MEGF11: variants seen among roughly 807,000 people sequenced by gnomAD.
The protein encoded by MEGF11 is multiple EGF like domains 11, also known as multiple epidermal growth factor-like domains protein 11.
A neutral mutation model predicts 146.6 loss-of-function variants in MEGF11; 126 were observed. That is an observed-to-expected ratio of 0.86 (90% confidence interval 0.74 to 1.00). MEGF11 has a LOEUF of 1.00. Among genes scored for constraint, MEGF11 ranks in the 50% least tolerant of loss-of-function variants. The pLI is 0.00. For missense variants in MEGF11, 1,509 were observed against 1,521.2 expected, an observed-to-expected ratio of 0.99 and a Z score of 0.13; for synonymous variants, 532 against 583.4, an observed-to-expected ratio of 0.91 and a Z score of 1.27.
chr15:65,977,813 A>G (rs1403581037), intron 7 of MEGF11, among the ~76,000 whole-genome samples: 6 of 151,790 alleles, frequency 4.0e-5, no homozygotes, highest in Non-Finnish European at 8.8e-5. Flanking sequence ...CCAGTCCCCA[A>G]CGTAAGACTG....
chr15:66,002,882 A>G (rs139140338), intron 5 of MEGF11, among the ~76,000 whole-genome samples: 1 of 152,336 alleles, frequency 6.6e-6, no homozygotes, highest in African/African-American at 2.4e-5. Flanking sequence ...TGGGGTGAAG[A>G]AGCAGAGGTT....
intron 13 of MEGF11, among the ~76,000 whole-genome samples, chr15:65,926,581 T>C (rs765500288): frequency 6.6e-6 from 1 of 152,116 alleles, no homozygotes; most frequent in Non-Finnish European, 1.5e-5. Context: ...GGCACAGATT[T>C]TTCTTGAGGC....
Position 66,105,319 on chromosome 15 carries a change from A to G in MEGF11, c.302-10825T>C, listed in dbSNP as rs77566383. ...AGGAAGAGAGAGACAGAAAAGGGAG[A>G]AGGAGGCCCTGCCTGGCCTCCCTTC... On this transcript the variant is annotated intron_variant, in intron 4 of 25. Coordinates refer to ENST00000395614, the MANE Select transcript of MEGF11 (RefSeq NM_001385028.1). Among the ~76,000 whole-genome samples the G allele has an allele frequency of 6.1e-3, 930 of 152,262 alleles. 6 individuals are homozygous for G. Among genetic ancestry groups the G allele is most frequent in the Non-Finnish European group, 0.011 (760 of 68,018 alleles).
chr15:66,131,247 G>A (rs891999167), intron 1 of MEGF11, among the ~76,000 whole-genome samples: 2 of 152,230 alleles, frequency 1.3e-5, no homozygotes, highest in African/African-American at 4.8e-5. Flanking sequence ...CTGCAGACAG[G>A]GTGTTGTCAG....
At chr15:66,133,003 A>C (rs962290905) in intron 1 of MEGF11, among the ~76,000 whole-genome samples, 1 of 151,992 alleles carries the variant, frequency 6.6e-6, no homozygotes, top group Non-Finnish European at 1.5e-5. Context: ...GCCAACCTCC[A>C]CCCCAACCTC....
rs117910423 is a variant in MEGF11 at position 66,226,160 on chromosome 15, C to T, written c.-9+27445G>A. ...GTCCAGTGTAGCCACGCTGTAGACG[C>T]CCCCTGCCCATTGGTCACTTAGTGG... On this transcript the variant is annotated intron_variant, in intron 1 of 25. Transcript: ENST00000395614. 3.1e-3 allele frequency among the ~76,000 whole-genome samples: 477 copies of T among 152,324 alleles called. 5 individuals are homozygous for T. The East Asian group carries it at 0.042, about 13-fold the overall frequency.
In MEGF11 at chr15:66,042,074, T is replaced by C. The variant is rs140359254; in HGVS notation, c.394+52328A>G. On this transcript the variant is annotated intron_variant, in intron 5 of 25. Coordinates refer to ENST00000395614, the MANE Select transcript of MEGF11 (RefSeq NM_001385028.1). The stretch of plus-strand genomic sequence containing the variant: ...CCAATTAGAGGGAGGTATTTGGTCA[T>C]GTAGCAGAGACAGAATGCACAGATT... Among the ~76,000 whole-genome samples, 151 of 151,220 alleles carry C rather than the reference T, an allele frequency of 1.0e-3. 5 individuals are homozygous for C. In the East Asian group the frequency reaches 0.023, roughly 23 times the overall value.
chr15:66,248,043 T>C (rs974655568), intron 1 of MEGF11, among the ~76,000 whole-genome samples: 1 of 151,628 alleles, frequency 6.6e-6, no homozygotes, highest in Non-Finnish European at 1.5e-5. Context: ...TTGCCTGTGG[T>C]GGTTGACTTA....
intron 5 of MEGF11, among the ~76,000 whole-genome samples, chr15:66,079,165 C>T (rs78759996): frequency 2.9e-4 from 44 of 152,128 alleles, no homozygotes; most frequent in East Asian, 2.1e-3. Flanking sequence ...GGCCCCACAC[C>T]GCCTCCTGCC....
At chr15:65,969,024 AC>A (rs1385808683) in intron 8 of MEGF11, among the ~76,000 whole-genome samples, 3 of 152,118 alleles carry the variant, frequency 2.0e-5, no homozygotes, top group Non-Finnish European at 4.4e-5. Flanking sequence ...CTCCTATTGA[AC>A]CCTCCTGTGG....
intron 5 of MEGF11, among the ~76,000 whole-genome samples, chr15:66,088,004 G>A (rs1212325823): frequency 2.6e-5 from 4 of 152,084 alleles, no homozygotes; most frequent in African/African-American, 4.8e-5. Flanking sequence ...TACAACTGAC[G>A]CCACAGAAAT....
intron 1 of MEGF11, among the ~76,000 whole-genome samples, chr15:66,216,727 C>T (rs949982486): frequency 6.6e-6 from 1 of 152,194 alleles, no homozygotes; most frequent in African/African-American, 2.4e-5. Context: ...ATGGACGTAT[C>T]TCAGGCTGGA....
At chr15:66,017,438 C>G (rs1196973821) in intron 5 of MEGF11, among the ~76,000 whole-genome samples, 1 of 152,260 alleles carries the variant, frequency 6.6e-6, no homozygotes, top group Non-Finnish European at 1.5e-5. Context: ...AGATGACTTA[C>G]TCAAGCTTAT....
chr15:66,018,822 A>G (rs540549209), intron 5 of MEGF11, among the ~76,000 whole-genome samples: 1 of 152,358 alleles, frequency 6.6e-6, no homozygotes, highest in Admixed American at 6.5e-5. Flanking sequence ...ATTTGGAGAG[A>G]GACTGACCCT....
chr15:66,188,120 A>AC (rs35291355), intron 1 of MEGF11, among the ~76,000 whole-genome samples: 30,905 of 151,236 alleles, frequency 0.2, 3,390 homozygotes, highest in South Asian at 0.29. Context: ...ATGTAGTAAC[A>AC]CCCCCCCATG....
intron 1 of MEGF11, among the ~76,000 whole-genome samples, chr15:66,229,373 G>T (rs540716663): frequency 1.9e-4 from 29 of 152,208 alleles, no homozygotes; most frequent in African/African-American, 6.5e-4. Context: ...TGTCCCAGCC[G>T]AATGGGGAGG....
intron 5 of MEGF11, among the ~76,000 whole-genome samples, chr15:66,067,792 G>A (rs1666286543): frequency 6.6e-6 from 1 of 152,208 alleles, no homozygotes; most frequent in African/African-American, 2.4e-5. Flanking sequence ...GGTCATTACT[G>A]GCTGGTTTAT....
chr15:65,994,493 C>G (rs1372658761), intron 5 of MEGF11, among the ~76,000 whole-genome samples: 1 of 152,176 alleles, frequency 6.6e-6, no homozygotes, highest in Non-Finnish European at 1.5e-5. Context: ...CATGCTGGAG[C>G]TGGGGGCCTT....
intron 5 of MEGF11, among the ~76,000 whole-genome samples, chr15:66,065,411 C>A (rs1477376982): frequency 2.0e-5 from 3 of 152,172 alleles, no homozygotes; most frequent in African/African-American, 4.8e-5. Flanking sequence ...AGATGGGATG[C>A]CACCCCCTGC....
Sources: allele counts gnomAD v4.1 joint callset (sites outside exome capture counted in the v4.1 genomes callset), GRCh38; gene constraint gnomAD v4.1.1; transcripts MANE v1.5; gene names NCBI Gene and HGNC (gene_info 2026-07-23, HGNC 2026-07-21).